Variants in SLC8A3 observed in about 807,000 individuals in gnomAD.
The protein encoded by SLC8A3 is solute carrier family 8 member A3.
SLC8A3 carries 37 observed loss-of-function variants against 65.4 expected under a neutral mutation model. The ratio of observed to expected loss-of-function variants is 0.57; its 90% confidence interval spans 0.44 to 0.74. The LOEUF (loss-of-function observed/expected upper bound fraction) is 0.74, where lower values mean the gene tolerates loss of function less well. Ranked by LOEUF, SLC8A3 falls within the 30% of genes least tolerant of loss-of-function variation. The pLI is 0.00. For missense variants in SLC8A3, 1,112 were observed against 1,172.1 expected (o/e 0.95, Z 0.75); for synonymous variants, 461 against 444.5 (o/e 1.04, Z -0.47).
At chr14:70,125,420 T>C (rs913876526) in intron 2 of SLC8A3, among the ~76,000 whole-genome samples, 14 of 152,026 alleles carry the variant, frequency 9.2e-5, no homozygotes, top group African/African-American at 3.4e-4. Flanking sequence ...AGTGAGAACA[T>C]GTGGAATTTG....
At chr14:70,159,058 T>A (rs535851673) in intron 2 of SLC8A3, among the ~76,000 whole-genome samples, 2 of 152,340 alleles carry the variant, frequency 1.3e-5, no homozygotes, top group African/African-American at 4.8e-5. Context: ...CTATGCCAGG[T>A]CTTCAAACTT....
At chr14:70,070,350 A>G (rs1156577877) in intron 2 of SLC8A3, among the ~76,000 whole-genome samples, 1 of 152,220 alleles carries the variant, frequency 6.6e-6, no homozygotes, top group Non-Finnish European at 1.5e-5. Flanking sequence ...TTTAATATTC[A>G]TAATAACCTA....
intron 1 of SLC8A3, among the ~76,000 whole-genome samples, chr14:70,184,335 A>G (rs1293631815): frequency 6.6e-6 from 1 of 152,118 alleles, no homozygotes; most frequent in Non-Finnish European, 1.5e-5. Context: ...CCGTGCTGGA[A>G]ACTCAGTGGA....
chr14:70,062,203 T>C (rs1212999567), intron 2 of SLC8A3, among the ~76,000 whole-genome samples: 1 of 152,176 alleles, frequency 6.6e-6, no homozygotes, highest in Non-Finnish European at 1.5e-5. Flanking sequence ...TCAGATCCTC[T>C]GATGTTCCTG....
chr14:70,161,731 A>C (rs1896906703), intron 2 of SLC8A3, among the ~76,000 whole-genome samples: 1 of 152,256 alleles, frequency 6.6e-6, no homozygotes, highest in Non-Finnish European at 1.5e-5. Context: ...GACTATCTTA[A>C]AACCTTGCTA....
intron 2 of SLC8A3, among the ~76,000 whole-genome samples, chr14:70,090,819 C>T (rs1891752321): frequency 6.6e-6 from 1 of 152,124 alleles, no homozygotes; most frequent in Non-Finnish European, 1.5e-5. Context: ...GCAAAATCTC[C>T]CTTTGCTCTA....
rs979068332 is a variant in SLC8A3 at position 70,044,544 on chromosome 14, C to CTCTT, written c.*1399_*1402dup. On this transcript the variant is annotated 3_prime_UTR_variant, in exon 7 of 7. Coordinates refer to ENST00000356921, the MANE Select transcript of SLC8A3 (RefSeq NM_182932.3). ...GAAAAGGTCTGTAGGGCACGGAGATCTCTTTCTCCAAAAACCCAGGCTCCA... is the reference window on the plus strand; with the variant it reads ...GAAAAGGTCTGTAGGGCACGGAGATCTCTTTCTTTCTCCAAAAACCCAGGCTCCA... 3.9e-5 allele frequency: 6 copies of CTCTT among 152,142 alleles called. No homozygotes were observed. Among genetic ancestry groups the CTCTT allele is most frequent in the South Asian group, 2.1e-4 (1 of 4,826 alleles). The allele number at this position is 152,142 out of a possible 1,614,324, so 9.4% of individuals were successfully genotyped here. A position where few individuals can be genotyped will look rare whatever the true frequency, so the allele number is the denominator to read the frequency against.
At chr14:70,076,965 A>T (rs1194229063) in intron 2 of SLC8A3, among the ~76,000 whole-genome samples, 2 of 152,194 alleles carry the variant, frequency 1.3e-5, no homozygotes, top group African/African-American at 4.8e-5. Flanking sequence ...CAGTTTCCTT[A>T]ATCTAAGATG....
At chr14:70,092,646 G>A (rs1343556208) in intron 2 of SLC8A3, among the ~76,000 whole-genome samples, 2 of 152,128 alleles carry the variant, frequency 1.3e-5, no homozygotes, top group African/African-American at 2.4e-5. Flanking sequence ...AATGTTCTCT[G>A]ACAGTCCATT....
At chr14:70,180,070 A>C (rs1882606469) in intron 1 of SLC8A3, among the ~76,000 whole-genome samples, 1 of 152,132 alleles carries the variant, frequency 6.6e-6, no homozygotes, top group South Asian at 2.1e-4. Flanking sequence ...TGAGGCCGAC[A>C]TCGTTCCTGC....
intron 2 of SLC8A3, among the ~76,000 whole-genome samples, chr14:70,069,603 G>T (rs1566753805): frequency 1.3e-5 from 2 of 152,086 alleles, no homozygotes; most frequent in South Asian, 2.1e-4. Context: ...CCGGTTGGGT[G>T]TCACTGCCCC....
In SLC8A3 at chr14:70,188,619, G is replaced by T. The variant is rs1883554786; in HGVS notation, c.-303C>A. 6.6e-6 allele frequency: 1 copy of T among 152,240 alleles called. No individual in the cohort carries two copies. Among genetic ancestry groups the T allele is most frequent in the African/African-American group, 2.4e-5 (1 of 41,464 alleles). The allele number at this position is 152,240 out of a possible 1,614,324, so 9.4% of individuals were successfully genotyped here. Reference sequence around the variant, plus strand: ...GCATCTGGAGCGCGGGGTCTGGGAGGGAGGGTGTCTGGGGCCAGGGCGAGG... The same window carrying T: ...GCATCTGGAGCGCGGGGTCTGGGAGTGAGGGTGTCTGGGGCCAGGGCGAGG... On this transcript the variant is annotated 5_prime_UTR_variant, in exon 1 of 7. Coordinates refer to ENST00000356921, the MANE Select transcript of SLC8A3 (RefSeq NM_182932.3).
chr14:70,153,136 C>A (rs1162106249), intron 2 of SLC8A3, among the ~76,000 whole-genome samples: 1 of 152,156 alleles, frequency 6.6e-6, no homozygotes, highest in Non-Finnish European at 1.5e-5. Flanking sequence ...GGTCCTTACA[C>A]CTGAGAGCCC....
chr14:70,048,417 T>C, intron 6 of SLC8A3: 1 of 575,090 alleles, frequency 1.7e-6, no homozygotes, highest in Non-Finnish European at 3.1e-6. Context: ...ATTGGACCAC[T>C]TACTTGGGCA....
At chr14:70,063,812 G>C (rs1380324925) in intron 2 of SLC8A3, 3 of 1,420,800 alleles carry the variant, frequency 2.1e-6, no homozygotes, top group South Asian at 2.4e-5. Context: ...GTGGAGGACA[G>C]GGTACTACAC....
chr14:70,092,982 G>A (rs1044668236), intron 2 of SLC8A3, among the ~76,000 whole-genome samples: 2 of 152,132 alleles, frequency 1.3e-5, no homozygotes, highest in Admixed American at 1.3e-4. Flanking sequence ...CATTTAATAT[G>A]GGCTTCAGAA....
intron 5 of SLC8A3, among the ~76,000 whole-genome samples, chr14:70,050,529 G>A (rs1218300457): frequency 2.0e-5 from 3 of 152,152 alleles, no homozygotes; most frequent in Admixed American, 1.3e-4. Context: ...TGCCGAGGGA[G>A]GGGTATGGAA....
At chr14:70,080,109 C>CT (rs746918493) in intron 2 of SLC8A3, 4 of 985,480 alleles carry the variant, frequency 4.1e-6, no homozygotes, top group Non-Finnish European at 4.8e-6. Flanking sequence ...TGACCCCTTC[C>CT]TTTGACTTAT....
chr14:70,145,319 C>G (rs1895860016), intron 2 of SLC8A3, among the ~76,000 whole-genome samples: 1 of 152,198 alleles, frequency 6.6e-6, no homozygotes, highest in African/African-American at 2.4e-5. Flanking sequence ...GCCCCTAAAC[C>G]TTCAGTTCCA....
Sources: gnomAD v4.1 joint callset for allele counts (sites outside exome capture counted in the v4.1 genomes callset) on GRCh38, gnomAD v4.1.1 for gene constraint, MANE v1.5 for transcripts, NCBI Gene and HGNC (gene_info 2026-07-23, HGNC 2026-07-21) for gene names.